Variants in MAP3K7 observed in about 807,000 individuals in gnomAD.
MAP3K7 encodes mitogen-activated protein kinase kinase kinase 7.
In MAP3K7, 21 loss-of-function variants were observed where a neutral mutation model predicts 84.8. The ratio of observed to expected loss-of-function variants is 0.25; its 90% CI spans 0.18 to 0.36. The LOEUF is 0.36. Ranked by LOEUF, MAP3K7 falls within the 10% of genes least tolerant of loss-of-function variation. The probability of loss-of-function intolerance (pLI) is 1.00; values close to 1 mark genes in which losing one functional copy is unlikely to be tolerated. For synonymous variants in MAP3K7, 241 were observed against 247.7 expected, an observed-to-expected ratio of 0.97 and a Z score of 0.25; for missense variants, 503 against 747.7, an observed-to-expected ratio of 0.67 and a Z score of 3.82.
chr6:90,518,638 G>C (rs1775048435), intron 15 of MAP3K7, 76 bp from the exon 16 acceptor site: 2 of 759,508 alleles, frequency 2.6e-6, no homozygotes, highest in Admixed American at 2.2e-5. Flanking sequence ...TCAAGACAGA[G>C]ACTGTGATAT....
rs577773006 is a variant in MAP3K7, at chr6:90,569,132, T to C, written c.232-509A>G. On this transcript the variant is annotated intron_variant, in intron 2 of 16. Transcript: ENST00000369329. ...TCACAACTCCGCAAGGTAGGTATTA[T>C]CATTTCCATTTTAAAGATGAGATTT... is the stretch of plus-strand genomic sequence containing the variant. Among the ~76,000 whole-genome samples, 3 of 152,318 alleles carry C rather than the reference T, an allele frequency of 2.0e-5. No individual in the cohort carries two copies. In the South Asian group the frequency reaches 6.2e-4, roughly 32 times the overall value.
Position 90,552,137 on chromosome 6 carries a change from T to C in MAP3K7, c.779A>G (p.Glu260Gly), listed in dbSNP as rs1340569337. 6.2e-7 allele frequency: 1 copy of C among 1,612,586 alleles called. No individual in the cohort carries two copies. The highest frequency in any genetic ancestry group is 2.2e-5 in the East Asian group (1 of 44,834). ...AGACCAACAACGAGTCATCAGGCTC[T>C]CAATGGGCTTAGGTAAATTTTTTAT... ...PLIKNLPKPI[E>G]SLMTRCWSKD... The change falls in exon 8 of 17, where the codon GAG becomes GGG. Residue 260 changes from glutamate (E) to glycine (G), a missense_variant. Glu to Gly is a moderately conservative substitution (Grantham distance 98). This residue lies in a region of MAP3K7 where 286 missense variants were observed against 313.6 expected (regional missense o/e 0.91). Transcript: ENST00000369329.
At chr6:90,539,749 A>G (rs1775796556) in intron 12 of MAP3K7, among the ~76,000 whole-genome samples, 2 of 151,840 alleles carry the variant, frequency 1.3e-5, no homozygotes, top group African/African-American at 4.8e-5. Context: ...TTGTTTAAGC[A>G]TTCTATAAAG....
At chr6:90,551,957 A>C in intron 8 of MAP3K7, 92 bp downstream of exon 8, 2 of 1,386,962 alleles carry the variant, frequency 1.4e-6, no homozygotes, top group Non-Finnish European at 9.8e-7. Context: ...ATAAAGCAGA[A>C]TATAGTAATA....
rs1279741295 is a variant in MAP3K7 at position 90,519,271 on chromosome 6, T to C, written c.1511A>G (p.Asp504Gly). ...GTACTCCTTTACCTGTAGTTGGTGA[T>C]CCAGTGTAAGATAAGCCATTGGGAT... ...NSIPMAYLTL[D>G]HQLQPLAPCP... is the part of the protein sequence containing the mutation. Residue 504 changes from aspartate (D) to glycine (G), a missense_variant, in exon 15 of 17, where the codon GAT becomes GGT. Physicochemically the swap from Asp to Gly is moderately conservative, Grantham distance 94. Transcript: ENST00000369329. The C allele has an allele frequency of 1.3e-6, 2 of 1,592,286 alleles. No homozygotes were observed. The highest frequency in any genetic ancestry group is 3.6e-5 in the Admixed American group (2 of 55,992).
At chr6:90,542,492 G>A (rs1394613347) in intron 12 of MAP3K7, 2 of 985,034 alleles carry the variant, frequency 2.0e-6, no homozygotes, top group Non-Finnish European at 2.4e-6. Flanking sequence ...TCATAAAAGA[G>A]GATCTCCCTG....
Position 90,516,488 on chromosome 6 carries a change from C to T in MAP3K7, c.*13G>A, listed in dbSNP as rs372769737. ...TTTCTTTGCATATTTCAAAATGTAA[C>T]GGTCCCAGAGAATCATGAAGTGCCT... On this transcript the variant is annotated 3_prime_UTR_variant, in exon 17 of 17. Transcript: ENST00000369329. 26 of 1,602,110 alleles carry T rather than the reference C, an allele frequency of 1.6e-5. No individual in the cohort carries two copies. The highest frequency in any genetic ancestry group is 1.7e-4 in the Middle Eastern group (1 of 6,036).
At chr6:90,519,057 A>G (rs1775063281) in intron 15 of MAP3K7, among the ~76,000 whole-genome samples, 1 of 151,976 alleles carries the variant, frequency 6.6e-6, no homozygotes, top group East Asian at 1.9e-4. Flanking sequence ...GACTGAAAAG[A>G]TAAGAATATG....
Position 90,519,319 on chromosome 6 carries a change from T to C in MAP3K7, c.1463A>G (p.Asp488Gly). ...GATGGAGTTATCTGATCCATTGGTA[T>C]CTGGAATTCAAGCATGTATTTTATT... ...SHPWTPDDST[D>G]TNGSDNSIPM... Residue 488 changes from aspartate to glycine, a missense_variant and splice_region_variant, in exon 15 of 17, where the codon GAT (aspartate) becomes GGT (glycine). This residue lies in a region of MAP3K7 where 286 missense variants were observed against 313.6 expected (regional missense o/e 0.91). Transcript: ENST00000369329. 6.4e-7 allele frequency: 1 copy of C among 1,567,068 alleles called. No homozygotes were observed. Among genetic ancestry groups the C allele is most frequent in the Non-Finnish European group, 8.6e-7 (1 of 1,156,112 alleles).
intron 14 of MAP3K7, 112 bp from the exon 15 acceptor site, chr6:90,519,431 TA>T (rs1453363954): frequency 7.4e-6 from 5 of 678,382 alleles, no homozygotes; most frequent in Non-Finnish European, 1.3e-5. Context: ...ATATGTAAAT[TA>T]AAAGTTACAG....
At chr6:90,521,704 T>A (rs184046179) in intron 14 of MAP3K7, among the ~76,000 whole-genome samples, 1 of 152,162 alleles carries the variant, frequency 6.6e-6, no homozygotes, top group East Asian at 1.9e-4. Context: ...AAGGTGAAAA[T>A]TCTTTAGTGA....
At chr6:90,537,240 A>G (rs1373346635) in intron 12 of MAP3K7, 1 of 152,056 alleles carries the variant, frequency 6.6e-6, no homozygotes, top group East Asian at 1.9e-4. Context: ...AATACTGAGT[A>G]ACAGCTGATA....
intron 4 of MAP3K7, 52 bp from the exon 5 acceptor site, chr6:90,560,266 A>T (rs935733757): frequency 5.6e-6 from 9 of 1,597,176 alleles, no homozygotes; most frequent in Non-Finnish European, 7.7e-6. Flanking sequence ...ATAACAAAAG[A>T]CACAATGTGA....
intron 12 of MAP3K7, among the ~76,000 whole-genome samples, chr6:90,539,205 C>T (rs2127966664): frequency 6.6e-6 from 1 of 151,978 alleles, no homozygotes; most frequent in South Asian, 2.1e-4. Context: ...CTGGAAAGGT[C>T]CGTCAGGTGG....
chr6:90,518,455 TA>T lies in MAP3K7; in HGVS notation c.1631del (p.Leu544TyrfsTer7). The T allele has an allele frequency of 6.5e-7, 1 of 1,531,682 alleles. No individual in the cohort carries two copies. The highest frequency in any genetic ancestry group is 9.0e-7 in the Non-Finnish European group (1 of 1,109,500). 94.9% of individuals were successfully genotyped at this position (1,531,682 alleles called of 1,614,324 possible). A position where few individuals can be genotyped will look rare whatever the true frequency, so the allele number is the denominator to read the frequency against. ...MKVQTEIALL[L>X]QRKQELVAEL... Reference sequence around the variant, plus strand: ...CATAAAAAATAACTTACTTTCTCTGTAATAACAATGCAATTTCTGTTTGAAC... The same window carrying T: ...CATAAAAAATAACTTACTTTCTCTGTATAACAATGCAATTTCTGTTTGAAC... On this transcript the variant is annotated frameshift_variant, in exon 16 of 17. Coordinates refer to ENST00000369329, the MANE Select transcript of MAP3K7 (RefSeq NM_145331.3). LOFTEE classifies it high-confidence loss of function.
intron 14 of MAP3K7, among the ~76,000 whole-genome samples, chr6:90,521,254 TTGCGTG>T (rs752545856): frequency 4.6e-4 from 40 of 86,904 alleles, no homozygotes; most frequent in Middle Eastern, 5.8e-3. Context: ...TGAAAGTTTT[TTGCGTG>T]TGTGTGTGTG....
chr6:90,568,178 C>T (rs181349683), intron 3 of MAP3K7, among the ~76,000 whole-genome samples: 1 of 151,932 alleles, frequency 6.6e-6, no homozygotes, highest in African/African-American at 2.4e-5. Context: ...CAAACCTGCA[C>T]GTTGTGCACA....
intron 14 of MAP3K7, 139 bp from the exon 15 acceptor site, chr6:90,519,458 G>T: frequency 1.6e-6 from 1 of 623,608 alleles, no homozygotes; most frequent in East Asian, 3.1e-5. Context: ...GGTAATTGAA[G>T]AGTCTATTTC....
intron 4 of MAP3K7, 26 bp downstream of exon 4, chr6:90,561,592 CTAGA>C (rs775581336): frequency 4.6e-6 from 7 of 1,531,912 alleles, no homozygotes; most frequent in South Asian, 3.6e-5. Flanking sequence ...TTTTAATCCA[CTAGA>C]TAAAGACAGG....
Sources: allele counts gnomAD v4.1 joint callset (sites outside exome capture counted in the v4.1 genomes callset), GRCh38; gene constraint gnomAD v4.1.1; regional missense constraint gnomAD v4.1.1; transcripts MANE v1.5; gene names NCBI Gene and HGNC (gene_info 2026-07-23, HGNC 2026-07-21).